The following CDH12 variants were observed in gnomAD, a reference collection of about 807,000 sequenced individuals.
CDH12 encodes the protein cadherin-12.
CDH12 carries 41 observed loss-of-function variants against 74.1 expected under a neutral mutation model. That is an observed-to-expected ratio of 0.55 (90% CI 0.43 to 0.72). CDH12 has a LOEUF of 0.72. Ranked by LOEUF, CDH12 falls within the 30% of genes least tolerant of loss-of-function variation. The probability of loss-of-function intolerance (pLI) is 0.00; values close to 1 mark genes in which losing one functional copy is unlikely to be tolerated. For missense variants in CDH12, 945 were observed against 977.2 expected (o/e 0.97, Z 0.44); for synonymous variants, 399 against 355.0 (o/e 1.12, Z -1.39).
intron 6 of CDH12, among the ~76,000 whole-genome samples, chr5:21,917,738 A>T (rs918238116): frequency 2.0e-5 from 3 of 152,186 alleles, no homozygotes; most frequent in African/African-American, 4.8e-5. Flanking sequence ...TAGGCTATTT[A>T]AAAAAACTGT....
intron 4 of CDH12, among the ~76,000 whole-genome samples, chr5:22,187,327 C>T (rs1401044553): frequency 6.6e-6 from 1 of 152,158 alleles, no homozygotes; most frequent in Non-Finnish European, 1.5e-5. Flanking sequence ...TATAAATCCC[C>T]AAGGTGGAAA....
chr5:22,062,035 CAGG>C (rs1223291287), intron 5 of CDH12, among the ~76,000 whole-genome samples: 1 of 151,850 alleles, frequency 6.6e-6, no homozygotes, highest in African/African-American at 2.4e-5. Flanking sequence ...GTTAGAACAG[CAGG>C]AGGAGAGAAG....
chr5:21,880,279 G>C (rs6452017), intron 6 of CDH12, among the ~76,000 whole-genome samples: 119,135 of 152,170 alleles, frequency 0.78, 48,908 homozygotes, highest in Non-Finnish European at 0.91. Flanking sequence ...TCAGTCAACA[G>C]TGTTGCTATC....
At chr5:22,705,630 A>G (rs2126966362) in intron 1 of CDH12, among the ~76,000 whole-genome samples, 1 of 152,102 alleles carries the variant, frequency 6.6e-6, no homozygotes, top group Middle Eastern at 3.4e-3. Context: ...TGGGAGGAAA[A>G]AATAAAGAGC....
intron 3 of CDH12, among the ~76,000 whole-genome samples, chr5:22,251,474 T>G (rs1753128495): frequency 1.3e-5 from 2 of 152,200 alleles, no homozygotes; most frequent in Admixed American, 6.5e-5. Flanking sequence ...AGGAAATTTT[T>G]CTTATCTCTT....
intron 1 of CDH12, among the ~76,000 whole-genome samples, chr5:22,611,337 C>T (rs745492327): frequency 1.3e-5 from 2 of 152,124 alleles, no homozygotes; most frequent in Non-Finnish European, 2.9e-5. Flanking sequence ...ACTCTGAATT[C>T]ATTCTTCTGT....
intron 1 of CDH12, among the ~76,000 whole-genome samples, chr5:22,676,481 A>G (rs1273655403): frequency 6.6e-6 from 1 of 152,188 alleles, no homozygotes; most frequent in Non-Finnish European, 1.5e-5. Context: ...CCTGAGCAGC[A>G]TCTTACCCAG....
intron 1 of CDH12, among the ~76,000 whole-genome samples, chr5:22,793,858 C>A (rs1377297538): frequency 1.3e-5 from 2 of 151,836 alleles, no homozygotes; most frequent in Non-Finnish European, 1.5e-5. Flanking sequence ...GGCAATAAGT[C>A]TTCTTCACAA....
chr5:21,794,362 G>A (rs1323108029), intron 10 of CDH12, among the ~76,000 whole-genome samples: 1 of 151,486 alleles, frequency 6.6e-6, no homozygotes, highest in Non-Finnish European at 1.5e-5. Flanking sequence ...AATACCATCA[G>A]CACATTTGCA....
chr5:21,915,557 AG>A (rs1754048200), intron 6 of CDH12, among the ~76,000 whole-genome samples: 1 of 151,766 alleles, frequency 6.6e-6, no homozygotes, highest in South Asian at 2.1e-4. Context: ...GCAGATAGTA[AG>A]GGTTTTGAGT....
intron 1 of CDH12, among the ~76,000 whole-genome samples, chr5:22,543,603 C>A (rs1738193679): frequency 6.6e-6 from 1 of 152,078 alleles, no homozygotes; most frequent in Non-Finnish European, 1.5e-5. Context: ...TTCTTCATTT[C>A]TGAGAACCTA....
chr5:22,189,364 G>T (rs1750135426), intron 4 of CDH12, among the ~76,000 whole-genome samples: 1 of 152,032 alleles, frequency 6.6e-6, no homozygotes, highest in Admixed American at 6.5e-5. Flanking sequence ...ATGAGAGGTT[G>T]ATAAATATTA....
chr5:21,930,118 C>G (rs780674916), intron 6 of CDH12, among the ~76,000 whole-genome samples: 1 of 152,108 alleles, frequency 6.6e-6, no homozygotes, highest in Non-Finnish European at 1.5e-5. Flanking sequence ...GACAGTGTCT[C>G]AAATCACAGA....
chr5:21,916,130 C>T (rs1276403770), intron 6 of CDH12, among the ~76,000 whole-genome samples: 2 of 151,924 alleles, frequency 1.3e-5, no homozygotes, highest in African/African-American at 2.4e-5. Flanking sequence ...GGCCCTAAGA[C>T]AATTATAATA....
chr5:22,690,442 A>C (rs1742025062), intron 1 of CDH12, among the ~76,000 whole-genome samples: 1 of 152,180 alleles, frequency 6.6e-6, no homozygotes, highest in Admixed American at 6.6e-5. Context: ...GTATAATTGA[A>C]AAGCTGTAAT....
At chr5:22,148,450 T>C (rs1215121733) in intron 4 of CDH12, among the ~76,000 whole-genome samples, 1 of 151,844 alleles carries the variant, frequency 6.6e-6, no homozygotes, top group Non-Finnish European at 1.5e-5. Flanking sequence ...TAGTATCACA[T>C]AGCAGAGGTG....
intron 6 of CDH12, among the ~76,000 whole-genome samples, chr5:21,969,235 G>T (rs1377728058): frequency 6.6e-6 from 1 of 152,070 alleles, no homozygotes; most frequent in Non-Finnish European, 1.5e-5. Context: ...TTGAGCTGAT[G>T]CTATAGTGGG....
At chr5:21,920,830 AC>A (rs1275662234) in intron 6 of CDH12, among the ~76,000 whole-genome samples, 7 of 152,052 alleles carry the variant, frequency 4.6e-5, no homozygotes, top group Non-Finnish European at 1.0e-4. Context: ...ATTTTTCTGA[AC>A]CTTCAACAAC....
chr5:21,915,464 A>G (rs1754044066), intron 6 of CDH12, among the ~76,000 whole-genome samples: 1 of 152,210 alleles, frequency 6.6e-6, no homozygotes, highest in Non-Finnish European at 1.5e-5. Flanking sequence ...AGTTAATAAT[A>G]GGAATAAGTG....
Sources: gnomAD v4.1 joint callset for allele counts (sites outside exome capture counted in the v4.1 genomes callset) on GRCh38, gnomAD v4.1.1 for gene constraint, MANE v1.5 for transcripts, NCBI Gene and HGNC (gene_info 2026-07-23, HGNC 2026-07-21) for gene names.